Variants in ALAS1 observed in about 807,000 individuals in gnomAD.
ALAS1 encodes the protein 5'-aminolevulinate synthase 1.
ALAS1 carries 29 observed loss-of-function variants against 59.6 expected under a neutral mutation model. That is an observed-to-expected ratio of 0.49 (90% CI 0.36 to 0.66). The LOEUF (loss-of-function observed/expected upper bound fraction) is 0.66, where lower values mean the gene tolerates loss of function less well. Among genes scored for constraint, ALAS1 ranks in the 30% least tolerant of loss-of-function variants. The probability of loss-of-function intolerance (pLI) is 0.00; values close to 1 mark genes in which losing one functional copy is unlikely to be tolerated. For missense variants in ALAS1, 690 were observed against 807.5 expected (o/e 0.85, Z 1.76); for synonymous variants, 299 against 296.6 (o/e 1.01, Z -0.08).
At chr3:52,203,753 GC>G in intron 4 of ALAS1, 109 bp from the exon 5 acceptor site, 4 of 1,273,698 alleles carry the variant, frequency 3.1e-6, no homozygotes, top group Non-Finnish European at 4.3e-6. Context: ...GTTATGCTTG[GC>G]CTTTTTTGTG....
At position 52,208,163 on chromosome 3, in the gene ALAS1, G is replaced by A. The variant is rs756926010; in HGVS notation, c.1246G>A (p.Val416Met). 1.2e-6 allele frequency: 2 copies of A among 1,613,728 alleles called. No homozygotes were observed. Among genetic ancestry groups the A allele is most frequent in the Non-Finnish European group, 1.7e-6 (2 of 1,179,730 alleles). The stretch of plus-strand genomic sequence containing the variant: ...CACCTTCGTGGATGAGGTCCACGCA[G>A]TGGGGCTTTATGGGGCTCGAGGCGG... ...AITFVDEVHA[V>M]GLYGARGGGI... Residue 416 changes from valine to methionine, a missense_variant, in exon 9 of 12, where the codon GTG becomes ATG. Transcript: ENST00000484952.
rs546755808 is a variant in ALAS1, at chr3:52,211,652, G to T, written c.1599+101G>T. ...CTTCCTGAAGTTGGGCTTGAGCGGG[G>T]TGACTGCCAGGGCAGGGGTTGTAGC... On this transcript the variant is annotated intron_variant, in intron 10 of 11. Coordinates refer to ENST00000484952, the MANE Select transcript of ALAS1 (RefSeq NM_000688.6). 5 of 1,508,464 alleles carry T rather than the reference G, an allele frequency of 3.3e-6. No individual in the cohort carries two copies. The South Asian group carries it at 3.7e-5, about 11-fold the overall frequency. The allele number at this position is 1,508,464 out of a possible 1,614,324, so 93.4% of individuals were successfully genotyped here. A position where few individuals can be genotyped will look rare whatever the true frequency, so the allele number is the denominator to read the frequency against.
intron 4 of ALAS1, among the ~76,000 whole-genome samples, chr3:52,203,033 A>G (rs751898125): frequency 6.6e-6 from 1 of 152,146 alleles, no homozygotes; most frequent in Non-Finnish European, 1.5e-5. Flanking sequence ...GGTCTTTCCC[A>G]TCATCTGCTA....
In ALAS1 at chr3:52,203,952, A is replaced by G. The variant is rs750206823; in HGVS notation, c.517A>G (p.Ile173Val). 1.3e-5 allele frequency: 21 copies of G among 1,613,524 alleles called. No individual in the cohort carries two copies. The highest frequency in any genetic ancestry group is 1.8e-5 in the Non-Finnish European group (21 of 1,179,702). Reference protein sequence around the residue: ...PSGLLKNFQDIMQKQRPERVS... With the variant: ...PSGLLKNFQDVMQKQRPERVS... ...TGGACTGCTGAAGAACTTCCAGGAC[A>G]TCATGCAAAAGCAAAGACCAGAAAG... Residue 173 changes from isoleucine (I) to valine (V), a missense_variant, in exon 5 of 12, where the codon ATC (isoleucine) becomes GTC (valine). By Grantham distance (29) the Ile-to-Val change is conservative. Transcript: ENST00000484952.
chr3:52,199,848 G>A (rs1699152383), intron 3 of ALAS1, among the ~76,000 whole-genome samples: 1 of 152,088 alleles, frequency 6.6e-6, no homozygotes, highest in African/African-American at 2.4e-5. Context: ...TTGAGACTGA[G>A]TCTTGCTCTG....
Position 52,199,402 on chromosome 3 carries a change from A to G in ALAS1, c.161A>G (p.His54Arg), listed in dbSNP as rs1476134099. 3.1e-6 allele frequency: 5 copies of G among 1,614,082 alleles called. No homozygotes were observed. Among genetic ancestry groups the G allele is most frequent in the East Asian group, 2.2e-5 (1 of 44,896 alleles). The change falls in exon 3 of 12, where the codon CAC becomes CGC. Residue 54 changes from histidine (H) to arginine (R), a missense_variant. Transcript: ENST00000484952. Reference protein sequence around the residue: ...APRALSTAAVHYQQIKETPPA... With the variant: ...APRALSTAAVRYQQIKETPPA... ...CGGGCATTGTCCACTGCAGCAGTACACTACCAACAGATCAAAGAAACCCCT... is the reference window on the plus strand; with the variant it reads ...CGGGCATTGTCCACTGCAGCAGTACGCTACCAACAGATCAAAGAAACCCCT...
At chr3:52,199,470 T>G (rs1172335434) in intron 3 of ALAS1, 30 bp downstream of exon 3, 4 of 1,601,296 alleles carry the variant, frequency 2.5e-6, no homozygotes, top group Non-Finnish European at 3.4e-6. Context: ...AAGGAGCAGG[T>G]ATGGGTGTTT....
chr3:52,199,095 A>C (rs1699131578), intron 2 of ALAS1, 115 bp from the exon 3 acceptor site: 3 of 1,102,810 alleles, frequency 2.7e-6, no homozygotes, highest in Admixed American at 2.2e-5. Context: ...TTTGAGGGAG[A>C]AGTGTTAGTA....
chr3:52,198,592 T>G, intron 1 of ALAS1, 80 bp from the exon 2 acceptor site: 1 of 591,414 alleles, frequency 1.7e-6, no homozygotes, highest in Non-Finnish European at 3.0e-6. Context: ...CTCGACTTTA[T>G]AAGCCCCTGC....
intron 4 of ALAS1, 146 bp downstream of exon 4, chr3:52,202,880 A>C: frequency 3.9e-6 from 3 of 777,524 alleles, no homozygotes; most frequent in Non-Finnish European, 6.3e-6. Context: ...GGTCTTCAAG[A>C]TAGACAGTCA....
At chr3:52,207,372 G>T (rs1456922871) in intron 8 of ALAS1, among the ~76,000 whole-genome samples, 1 of 152,084 alleles carries the variant, frequency 6.6e-6, no homozygotes, top group African/African-American at 2.4e-5. Context: ...TCCTGACCTT[G>T]TGATCCGCCC....
At chr3:52,213,650 C>T (rs1699457445) in intron 11 of ALAS1, among the ~76,000 whole-genome samples, 1 of 152,138 alleles carries the variant, frequency 6.6e-6, no homozygotes, top group African/African-American at 2.4e-5. Flanking sequence ...TTTCCCCATC[C>T]CCAGCCCCTG....
At chr3:52,201,925 CT>C (rs1475627540) in intron 3 of ALAS1, among the ~76,000 whole-genome samples, 1 of 152,106 alleles carries the variant, frequency 6.6e-6, no homozygotes, top group Non-Finnish European at 1.5e-5. Context: ...GAAAATGGTA[CT>C]TTTTTTGGAT....
At chr3:52,209,235 T>C (rs1041162544) in intron 9 of ALAS1, among the ~76,000 whole-genome samples, 1 of 151,752 alleles carries the variant, frequency 6.6e-6, no homozygotes, top group Non-Finnish European at 1.5e-5. Context: ...CGAGATGGAG[T>C]GTCACTCTGT....
intron 3 of ALAS1, among the ~76,000 whole-genome samples, chr3:52,200,944 C>T (rs968365514): frequency 3.0e-4 from 46 of 151,936 alleles, no homozygotes; most frequent in African/African-American, 8.9e-4. Flanking sequence ...GAGTTAGTTA[C>T]GTCTTTTTTA....
rs748243031 is a variant in ALAS1 at position 52,203,995 on chromosome 3, A to G, written c.560A>G (p.Gln187Arg). The G allele has an allele frequency of 8.7e-6, 14 of 1,606,112 alleles. No homozygotes were observed. Among genetic ancestry groups the G allele is most frequent in the Non-Finnish European group, 1.2e-5 (14 of 1,176,788 alleles). The change falls in exon 5 of 12, where the codon CAA (glutamine) becomes CGA (arginine). Residue 187 changes from glutamine (Q) to arginine (R), a missense_variant. By Grantham distance (43) the Gln-to-Arg change is conservative (BLOSUM62 1). Transcript: ENST00000484952. ...QRPERVSHLL[Q>R]DNLPKSVSTF... ...CCAGAAAGAGTGTCTCATCTTCTTC[A>G]AGATAACTTGCCAAAATGTAAGTCT...
Position 52,205,954 on chromosome 3 carries a change from G to T in ALAS1, c.916G>T (p.Ala306Ser). The change falls in exon 7 of 12, where the codon GCA (alanine) becomes TCA (serine). Residue 306 changes from alanine (A) to serine (S), a missense_variant. By Grantham distance (99) the Ala-to-Ser change is moderately conservative. Transcript: ENST00000484952. The stretch of plus-strand genomic sequence containing the variant: ...GGCAGACCTCCATGGGAAAGATGCC[G>T]CACTCTTGTTTTCCTCGTGCTTTGT... The part of the protein sequence containing the change: ...ELADLHGKDA[A>S]LLFSSCFVAN... 1 of 1,614,032 alleles carries T rather than the reference G, an allele frequency of 6.2e-7. No homozygotes were observed. The highest frequency in any genetic ancestry group is 8.5e-7 in the Non-Finnish European group (1 of 1,179,960).
At chr3:52,201,555 A>G (rs1699185783) in intron 3 of ALAS1, among the ~76,000 whole-genome samples, 1 of 151,976 alleles carries the variant, frequency 6.6e-6, no homozygotes, top group African/African-American at 2.4e-5. Context: ...AGTTTGATAG[A>G]AGCTAGGGCC....
At chr3:52,202,778 T>G in intron 4 of ALAS1, 44 bp downstream of exon 4, 6 of 1,562,652 alleles carry the variant, frequency 3.8e-6, no homozygotes, top group Non-Finnish European at 5.3e-6. Context: ...GAAGGGGTCC[T>G]TTTAGTTCTT....
Sources: gnomAD v4.1 joint callset for allele counts (sites outside exome capture counted in the v4.1 genomes callset) on GRCh38, gnomAD v4.1.1 for gene constraint, MANE v1.5 for transcripts, NCBI Gene and HGNC (gene_info 2026-07-23, HGNC 2026-07-21) for gene names.